CNTN4: variants seen among roughly 807,000 people sequenced by gnomAD.
CNTN4 encodes the protein contactin 4.
A neutral mutation model predicts 122.5 loss-of-function variants in CNTN4; 77 were observed. The observed-to-expected ratio is 0.63, with a 90% CI of 0.52 to 0.76. The LOEUF (loss-of-function observed/expected upper bound fraction) is 0.76, where lower values mean the gene tolerates loss of function less well. Ranked by LOEUF, CNTN4 falls within the 30% of genes least tolerant of loss-of-function variation. The pLI is 0.00. For synonymous variants in CNTN4, 512 were observed against 447.0 expected, an observed-to-expected ratio of 1.15 and a Z score of -1.83; for missense variants, 1,256 against 1,259.1, an observed-to-expected ratio of 1.00 and a Z score of 0.04.
intron 15 of CNTN4, among the ~76,000 whole-genome samples, chr3:3,029,165 C>T (rs1698967081): frequency 6.6e-6 from 1 of 152,106 alleles, no homozygotes; most frequent in Non-Finnish European, 1.5e-5. Flanking sequence ...GGATGAGAAG[C>T]CAAGTGTTAC....
chr3:3,048,734 C>G (rs1700940010), intron 23 of CNTN4, among the ~76,000 whole-genome samples: 1 of 152,180 alleles, frequency 6.6e-6, no homozygotes, highest in African/African-American at 2.4e-5. Context: ...TTATCTCAGA[C>G]TGACCCTTTC....
chr3:2,525,168 A>G (rs2077357711), intron 3 of CNTN4, among the ~76,000 whole-genome samples: 1 of 152,154 alleles, frequency 6.6e-6, no homozygotes, highest in South Asian at 2.1e-4. Context: ...TTCATGCAGC[A>G]TGCACTGTGG....
At chr3:2,446,307 G>A (rs968703012) in intron 3 of CNTN4, among the ~76,000 whole-genome samples, 4 of 151,576 alleles carry the variant, frequency 2.6e-5, no homozygotes, top group Admixed American at 1.3e-4. Flanking sequence ...TTTTATTAGC[G>A]TACCCAACTA....
At chr3:2,883,954 T>C (rs1019714248) in intron 9 of CNTN4, among the ~76,000 whole-genome samples, 10 of 152,216 alleles carry the variant, frequency 6.6e-5, no homozygotes, top group Non-Finnish European at 1.2e-4. Flanking sequence ...CAGTATAAAC[T>C]ATTATCTGAA....
rs150787175 is a variant in CNTN4, at chr3:2,902,040, A to G, written c.1078-836A>G. Among the ~76,000 whole-genome samples the G allele has an allele frequency of 1.8e-4, 28 of 152,310 alleles. No homozygotes were observed. In the East Asian group the frequency reaches 5.0e-3, roughly 27 times the overall value. ...CAGGTAATTATCATTTCTGTGGGAC[A>G]CTTGGGCTTGTTTCTTAATGTGAGG... On this transcript the variant is annotated intron_variant, in intron 11 of 24. Transcript: ENST00000418658.
chr3:2,901,738 T>C (rs2094176032), intron 11 of CNTN4, among the ~76,000 whole-genome samples: 1 of 152,214 alleles, frequency 6.6e-6, no homozygotes, highest in Non-Finnish European at 1.5e-5. Flanking sequence ...TCAAAGAGAA[T>C]GGGAGATCAG....
At chr3:2,769,928 G>A (rs1240322174) in intron 6 of CNTN4, among the ~76,000 whole-genome samples, 1 of 152,162 alleles carries the variant, frequency 6.6e-6, no homozygotes, top group South Asian at 2.1e-4. Flanking sequence ...TTGGGCCTTG[G>A]CACCTGTGCT....
At chr3:2,751,796 A>G (rs1256400335) in intron 6 of CNTN4, among the ~76,000 whole-genome samples, 1 of 152,130 alleles carries the variant, frequency 6.6e-6, no homozygotes, top group Non-Finnish European at 1.5e-5. Flanking sequence ...TTTTAAAAAA[A>G]TAAATTTCAG....
chr3:2,906,604 G>A (rs775577705), intron 12 of CNTN4, among the ~76,000 whole-genome samples: 123 of 151,908 alleles, frequency 8.1e-4, no homozygotes, highest in Non-Finnish European at 1.4e-3. Context: ...TTGGGAGGCC[G>A]AGGCAGGCGG....
intron 4 of CNTN4, among the ~76,000 whole-genome samples, chr3:2,724,637 G>A (rs1467818488): frequency 3.3e-5 from 5 of 152,130 alleles, no homozygotes; most frequent in Non-Finnish European, 7.4e-5. Context: ...AAAGAGACAG[G>A]TGCAAAGGCT....
At chr3:2,946,590 A>C (rs1188190531) in intron 13 of CNTN4, among the ~76,000 whole-genome samples, 1 of 151,960 alleles carries the variant, frequency 6.6e-6, no homozygotes, top group East Asian at 1.9e-4. Context: ...TCCACGTTTA[A>C]TTTTTTAAAA....
intron 14 of CNTN4, among the ~76,000 whole-genome samples, chr3:3,014,473 G>T (rs767674278): frequency 6.6e-6 from 1 of 152,080 alleles, no homozygotes; most frequent in Non-Finnish European, 1.5e-5. Context: ...GCCCAACAAA[G>T]GGTTTCTATT....
At position 2,364,934 on chromosome 3, in the gene CNTN4, G is replaced by A. The variant is rs77693619; in HGVS notation, c.-89+25701G>A. On this transcript the variant is annotated intron_variant, in intron 3 of 24. Transcript: ENST00000418658. ...CACAAGATAATATTAATAATAGTGC[G>A]ATTTGGCTTTGTATTGGAGACATTT... Among the ~76,000 whole-genome samples the A allele has an allele frequency of 3.8e-3, 579 of 152,164 alleles. 1 individual carries two copies. Among genetic ancestry groups the A allele is most frequent in the Non-Finnish European group, 5.8e-3 (395 of 67,986 alleles).
At chr3:2,228,687 T>G (rs2039376291) in intron 2 of CNTN4, among the ~76,000 whole-genome samples, 1 of 152,186 alleles carries the variant, frequency 6.6e-6, no homozygotes, top group South Asian at 2.1e-4. Context: ...ATTTCCTTAC[T>G]GAGAGCTGAG....
chr3:2,194,967 T>G (rs1306635675), intron 2 of CNTN4, among the ~76,000 whole-genome samples: 1 of 152,168 alleles, frequency 6.6e-6, no homozygotes. Context: ...AAACTATATA[T>G]ATATATTTAG....
At chr3:2,343,473 T>C (rs978941688) in intron 3 of CNTN4, among the ~76,000 whole-genome samples, 1 of 152,168 alleles carries the variant, frequency 6.6e-6, no homozygotes, top group Non-Finnish European at 1.5e-5. Flanking sequence ...TTGGTCACTC[T>C]CTGCAACCAG....
chr3:2,608,271 T>C (rs531734797), intron 4 of CNTN4, among the ~76,000 whole-genome samples: 1 of 152,300 alleles, frequency 6.6e-6, no homozygotes, highest in East Asian at 1.9e-4. Context: ...AGTCCACTTA[T>C]ATGAACAACT....
chr3:2,566,608 C>T (rs2079170389), intron 3 of CNTN4, among the ~76,000 whole-genome samples: 1 of 151,908 alleles, frequency 6.6e-6, no homozygotes, highest in Non-Finnish European at 1.5e-5. Context: ...TTGGTGGGGG[C>T]CAGGAGGCAG....
At chr3:2,704,228 C>T (rs972883877) in intron 4 of CNTN4, among the ~76,000 whole-genome samples, 3 of 130,600 alleles carry the variant, frequency 2.3e-5, no homozygotes, top group South Asian at 2.6e-4. Flanking sequence ...ACCTGGGAGG[C>T]GGAGGTTGCA....
Sources: allele counts gnomAD v4.1 joint callset (sites outside exome capture counted in the v4.1 genomes callset), GRCh38; gene constraint gnomAD v4.1.1; transcripts MANE v1.5; gene names NCBI Gene and HGNC (gene_info 2026-07-23, HGNC 2026-07-21).